Variants in VSTM2L observed in about 807,000 individuals in gnomAD.
VSTM2L encodes the protein V-set and transmembrane domain-containing protein 2-like protein.
VSTM2L carries 9 observed loss-of-function variants against 19.9 expected under a neutral mutation model. The observed-to-expected ratio is 0.45, with a 90% CI of 0.27 to 0.79. The LOEUF is 0.79. Ranked by LOEUF, VSTM2L falls within the 30% of genes least tolerant of loss-of-function variation. VSTM2L has a pLI of 0.15. For missense variants in VSTM2L, 286 were observed against 295.5 expected, an observed-to-expected ratio of 0.97 and a Z score of 0.24; for synonymous variants, 127 against 133.8, an observed-to-expected ratio of 0.95 and a Z score of 0.35.
At chr20:37,930,127 A>T (rs182686727) in intron 1 of VSTM2L, among the ~76,000 whole-genome samples, 2 of 152,368 alleles carry the variant, frequency 1.3e-5, no homozygotes, top group Non-Finnish European at 2.9e-5. Flanking sequence ...CTTGAGGATT[A>T]GGGACATCTC....
At chr20:37,943,955 G>A (rs905028174) in intron 3 of VSTM2L, 26 bp from the exon 4 acceptor site, 11 of 1,423,152 alleles carry the variant, frequency 7.7e-6, no homozygotes, top group Admixed American at 6.6e-5. Flanking sequence ...TGGATGGACA[G>A]GTCACGGTCT....
intron 3 of VSTM2L, among the ~76,000 whole-genome samples, chr20:37,942,450 C>A (rs2072977813): frequency 6.6e-6 from 1 of 152,222 alleles, no homozygotes; most frequent in Middle Eastern, 3.2e-3. Context: ...CCACTGCACT[C>A]CAGCCTGGGT....
At chr20:37,919,626 T>G (rs1054999372) in intron 1 of VSTM2L, among the ~76,000 whole-genome samples, 2 of 152,238 alleles carry the variant, frequency 1.3e-5, no homozygotes, top group African/African-American at 4.8e-5. Context: ...GGAGGCAAGG[T>G]GGCCACAGGC....
At position 37,914,243 on chromosome 20, in the gene VSTM2L, A is replaced by G. The variant is rs549636639; in HGVS notation, c.121+10772A>G. Among the ~76,000 whole-genome samples the G allele has an allele frequency of 1.5e-3, 216 of 145,974 alleles. 2 individuals carry two copies. The South Asian group carries it at 0.025, about 17-fold the overall frequency. ...TTGTGTGGTGTGCATGTATATGTCT[A>G]TGTGTGTGTATATCTGTGTATGTGT... On this transcript the variant is annotated intron_variant, in intron 1 of 3. Coordinates refer to ENST00000373461, the MANE Select transcript of VSTM2L (RefSeq NM_080607.3).
intron 1 of VSTM2L, among the ~76,000 whole-genome samples, chr20:37,908,899 C>G (rs966910705): frequency 3.3e-5 from 5 of 152,208 alleles, no homozygotes; most frequent in African/African-American, 1.2e-4. Flanking sequence ...ATGGTATCAT[C>G]TCATTCAATT....
intron 1 of VSTM2L, among the ~76,000 whole-genome samples, chr20:37,909,700 A>G (rs545407677): frequency 1.3e-5 from 2 of 152,316 alleles, no homozygotes; most frequent in East Asian, 3.9e-4. Context: ...GGGTGGGCCC[A>G]GGCTCTGGCC....
At chr20:37,905,305 A>T (rs1236607491) in intron 1 of VSTM2L, among the ~76,000 whole-genome samples, 2 of 152,048 alleles carry the variant, frequency 1.3e-5, no homozygotes, top group Non-Finnish European at 2.9e-5. Flanking sequence ...TCTGAGGCTT[A>T]TGGTCGTTCT....
At chr20:37,918,402 C>A (rs2072832147) in intron 1 of VSTM2L, among the ~76,000 whole-genome samples, 1 of 152,210 alleles carries the variant, frequency 6.6e-6, no homozygotes, top group African/African-American at 2.4e-5. Flanking sequence ...TAACACCTAA[C>A]CTTCGCCAGT....
intron 2 of VSTM2L, 99 bp downstream of exon 2, chr20:37,931,903 C>A: frequency 7.4e-7 from 1 of 1,343,808 alleles, no homozygotes; most frequent in Non-Finnish European, 1.0e-6. Context: ...GGGATATGGG[C>A]TCCAACGCTG....
chr20:37,942,671 G>A (rs545787986), intron 3 of VSTM2L, among the ~76,000 whole-genome samples: 3 of 152,230 alleles, frequency 2.0e-5, no homozygotes, highest in East Asian at 3.9e-4. Context: ...AGTGAAGGGT[G>A]TGCTCTAGGG....
intron 1 of VSTM2L, among the ~76,000 whole-genome samples, chr20:37,914,404 G>GTGTATGTACGTGTGTGCATGTC (rs2072802087): frequency 7.9e-3 from 132 of 16,646 alleles, no homozygotes; most frequent in South Asian, 0.01. Flanking sequence ...GTGTATGTAT[G>GTGTATGTACGTGTGTGCATGTC]TGTGGGTATG....
At chr20:37,943,880 G>T in intron 3 of VSTM2L, 101 bp from the exon 4 acceptor site, 1 of 1,281,390 alleles carries the variant, frequency 7.8e-7, no homozygotes, top group Non-Finnish European at 1.0e-6. Context: ...GTGTTTCTGG[G>T]GCTCCCGTCC....
intron 1 of VSTM2L, among the ~76,000 whole-genome samples, chr20:37,907,708 C>A (rs1600558786): frequency 3.3e-5 from 5 of 152,148 alleles, no homozygotes; most frequent in Middle Eastern, 3.4e-3. Flanking sequence ...TAGGCCAGCA[C>A]CTTCAATTAT....
chr20:37,921,299 T>G (rs1480381041), intron 1 of VSTM2L, among the ~76,000 whole-genome samples: 2 of 152,140 alleles, frequency 1.3e-5, no homozygotes, highest in East Asian at 3.8e-4. Flanking sequence ...GGGGCTGCAG[T>G]TGGGGTCTGG....
Position 37,903,447 on chromosome 20 carries a change from TGG to T in VSTM2L, c.99_100del (p.Trp33Ter). On this transcript the variant is annotated frameshift_variant, in exon 1 of 4. Coordinates refer to ENST00000373461, the MANE Select transcript of VSTM2L (RefSeq NM_080607.3). LOFTEE classifies it high-confidence loss of function. ...GATRPAGHAP[W>X]DNHVSGHALF... ...CACGCGGCCCGCCGGCCACGCGCCC[TGG>T]GACAACCACGTCTCCGGCCACGGTG... 6.7e-7 allele frequency: 1 copy of T among 1,484,888 alleles called. No homozygotes were observed. The highest frequency in any genetic ancestry group is 8.9e-7 in the Non-Finnish European group (1 of 1,124,032). 92.0% of individuals were successfully genotyped at this position (1,484,888 alleles called of 1,614,324 possible).
chr20:37,941,852 A>T (rs761545316), intron 3 of VSTM2L, among the ~76,000 whole-genome samples: 93 of 150,728 alleles, frequency 6.2e-4, no homozygotes, highest in Non-Finnish European at 1.2e-3. Context: ...AAAGGAAAGA[A>T]GCCCCCTCCC....
chr20:37,903,288 C>A lies in VSTM2L; in HGVS notation c.-63C>A. The A allele has an allele frequency of 7.5e-7, 1 of 1,331,732 alleles. No homozygotes were observed. Among genetic ancestry groups the A allele is most frequent in the Non-Finnish European group, 9.6e-7 (1 of 1,045,568 alleles). 82.5% of individuals were successfully genotyped at this position (1,331,732 alleles called of 1,614,324 possible). On this transcript the variant is annotated 5_prime_UTR_variant, in exon 1 of 4. Coordinates refer to ENST00000373461, the MANE Select transcript of VSTM2L (RefSeq NM_080607.3). ...CGCTCAGGGCAGGGGACAGCTGGCG[C>A]CGGTTCTGCGGTCTCCGGGGCCCAG...
rs2072993582 is a variant in VSTM2L, at chr20:37,944,214, G to C, written c.576G>C (p.Leu192=). ...APPPPKPGKE[L]RKRSVDQEAC... Reference sequence around the variant, plus strand: ...CGCCCCCCAAGCCAGGCAAGGAGCTGAGGAAGCGCTCGGTGGACCAGGAGG... The same window carrying C: ...CGCCCCCCAAGCCAGGCAAGGAGCTCAGGAAGCGCTCGGTGGACCAGGAGG... The change falls in exon 4 of 4, where the codon CTG becomes CTC. Residue 192 remains leucine, a synonymous_variant. Coordinates refer to ENST00000373461, the MANE Select transcript of VSTM2L (RefSeq NM_080607.3). 2.6e-6 allele frequency: 4 copies of C among 1,525,636 alleles called. No homozygotes were observed. Among genetic ancestry groups the C allele is most frequent in the Non-Finnish European group, 3.5e-6 (4 of 1,134,382 alleles). 94.5% of individuals were successfully genotyped at this position (1,525,636 alleles called of 1,614,324 possible).
chr20:37,938,510 A>G (rs956562389), intron 3 of VSTM2L, among the ~76,000 whole-genome samples: 1 of 152,164 alleles, frequency 6.6e-6, no homozygotes, highest in Non-Finnish European at 1.5e-5. Context: ...CACGAGTACA[A>G]ATCCATTCTT....
Sources: gnomAD v4.1 joint callset for allele counts (sites outside exome capture counted in the v4.1 genomes callset) on GRCh38, gnomAD v4.1.1 for gene constraint, MANE v1.5 for transcripts, NCBI Gene and HGNC (gene_info 2026-07-23, HGNC 2026-07-21) for gene names.